The following DIS3L2 variants were observed in gnomAD, a reference collection of about 807,000 sequenced individuals.
DIS3L2 encodes DIS3 like 3'-5' exoribonuclease 2, also known as DIS3-like exonuclease 2.
A neutral mutation model predicts 97.5 loss-of-function variants in DIS3L2; 34 were observed. The ratio of observed to expected loss-of-function variants is 0.35; its 90% CI spans 0.27 to 0.46. The LOEUF is 0.46. Ranked by LOEUF, DIS3L2 falls within the 20% of genes least tolerant of loss-of-function variation. The pLI, the probability that DIS3L2 is intolerant of heterozygous loss-of-function variation, is 1.00. For missense variants in DIS3L2, 1,038 were observed against 1,146.0 expected (o/e 0.91, Z 1.36); for synonymous variants, 435 against 445.2 (o/e 0.98, Z 0.29).
intron 5 of DIS3L2, among the ~76,000 whole-genome samples, chr2:232,055,015 C>T (rs1695506461): frequency 6.6e-6 from 1 of 152,134 alleles, no homozygotes; most frequent in Admixed American, 6.5e-5. Flanking sequence ...TCTATGGTTA[C>T]TCTAGTTTCT....
chr2:232,146,216 C>T (rs1690213925), intron 8 of DIS3L2, among the ~76,000 whole-genome samples: 1 of 152,094 alleles, frequency 6.6e-6, no homozygotes, highest in African/African-American at 2.4e-5. Flanking sequence ...AGTTCCATGT[C>T]AGTGTGTAGT....
At chr2:232,334,592 G>A in intron 18 of DIS3L2, 39 bp from the exon 19 acceptor site, 5 of 1,599,842 alleles carry the variant, frequency 3.1e-6, no homozygotes, top group South Asian at 1.1e-5. Flanking sequence ...GCCCAGGGCA[G>A]TGCCAGGAGG....
chr2:232,075,729 C>T (rs1416991088), intron 5 of DIS3L2, among the ~76,000 whole-genome samples: 3 of 152,144 alleles, frequency 2.0e-5, no homozygotes, highest in Admixed American at 6.5e-5. Context: ...AGTTCAGGAC[C>T]TTGCAATTAT....
At chr2:232,246,621 T>C (rs1693256112) in intron 11 of DIS3L2, among the ~76,000 whole-genome samples, 1 of 152,186 alleles carries the variant, frequency 6.6e-6, no homozygotes, top group Admixed American at 6.5e-5. Flanking sequence ...GGCCCAGGAT[T>C]AGCCCCCAAG....
intron 9 of DIS3L2, among the ~76,000 whole-genome samples, chr2:232,170,692 A>C (rs2106171328): frequency 6.6e-6 from 1 of 152,318 alleles, no homozygotes; most frequent in Non-Finnish European, 1.5e-5. Flanking sequence ...TTAAGAAGAA[A>C]TATGAAGCTG....
intron 14 of DIS3L2, among the ~76,000 whole-genome samples, chr2:232,314,996 A>G (rs1695230569): frequency 6.6e-6 from 1 of 152,172 alleles, no homozygotes; most frequent in South Asian, 2.1e-4. Context: ...CTCCAACCAC[A>G]GGTTTGCATC....
chr2:232,238,760 C>A, intron 11 of DIS3L2, 115 bp downstream of exon 11: 1 of 910,780 alleles, frequency 1.1e-6, no homozygotes, highest in Non-Finnish European at 1.7e-6. Flanking sequence ...CAAAGGAAGA[C>A]ACAGGTGTTC....
intron 11 of DIS3L2, among the ~76,000 whole-genome samples, chr2:232,240,023 C>T (rs1017703626): frequency 2.6e-5 from 4 of 152,346 alleles, no homozygotes; most frequent in African/African-American, 4.8e-5. Context: ...ATGTCTTCCA[C>T]CCCATGGTGG....
rs1451942425 is a variant in DIS3L2 at position 232,136,463 on chromosome 2, T to C, written c.703-9T>C. 36 of 1,613,598 alleles carry C rather than the reference T, an allele frequency of 2.2e-5. No homozygotes were observed. The highest frequency in any genetic ancestry group is 3.1e-5 in the Non-Finnish European group (36 of 1,179,626). Reference sequence around the variant, plus strand: ...TAAACAACATTGACTATATCTTTGGTGTTTTTAGGTGGTTTACATCTTGGA... The same window carrying C: ...TAAACAACATTGACTATATCTTTGGCGTTTTTAGGTGGTTTACATCTTGGA... On this transcript the variant is annotated splice_polypyrimidine_tract_variant and intron_variant, in intron 7 of 20. Transcript: ENST00000325385.
Position 232,129,390 on chromosome 2 carries a change from A to C in DIS3L2, c.602-1229A>C, listed in dbSNP as rs74529475. 3.2e-3 allele frequency among the ~76,000 whole-genome samples: 483 copies of C among 152,340 alleles called. 3 individuals are homozygous for C. The highest frequency in any genetic ancestry group is 0.011 in the African/African-American group (467 of 41,582). On this transcript the variant is annotated intron_variant, in intron 6 of 20. Transcript: ENST00000325385. ...TTTTTTTCTCTCTACAATTATAAAA[A>C]ATGTTCTAAAAGCATTTGATGATTT... is the stretch of plus-strand genomic sequence containing the variant.
intron 5 of DIS3L2, among the ~76,000 whole-genome samples, chr2:232,058,817 A>T (rs574031428): frequency 6.6e-6 from 1 of 152,320 alleles, no homozygotes; most frequent in South Asian, 2.1e-4. Flanking sequence ...GTTTCTACTG[A>T]TTGAAATCCT....
At chr2:232,104,873 A>G (rs987944599) in intron 6 of DIS3L2, among the ~76,000 whole-genome samples, 8 of 152,164 alleles carry the variant, frequency 5.3e-5, no homozygotes. Context: ...GCTGGAGTGC[A>G]GTGGTGTGAT....
At chr2:231,989,170 C>G (rs1693510324) in intron 1 of DIS3L2, among the ~76,000 whole-genome samples, 1 of 152,138 alleles carries the variant, frequency 6.6e-6, no homozygotes, top group Non-Finnish European at 1.5e-5. Context: ...TTCTGTATCA[C>G]AGCATGAAAT....
intron 15 of DIS3L2, 106 bp downstream of exon 15, chr2:232,330,102 C>A: frequency 7.3e-7 from 1 of 1,366,454 alleles, no homozygotes; most frequent in Non-Finnish European, 9.8e-7. Flanking sequence ...AGAGTCCCTC[C>A]CCTTCAGCCA....
At position 232,098,175 on chromosome 2, in the gene DIS3L2, A is replaced by G. The variant is rs1482219210; in HGVS notation, c.601+10454A>G. 3.3e-5 allele frequency among the ~76,000 whole-genome samples: 5 copies of G among 152,150 alleles called. No homozygotes were observed. The East Asian group carries it at 7.7e-4, about 23-fold the overall frequency. ...TATGCTAGACCAGACATTCCTCCCT[A>G]TGAAGTTTACAAAAGAAATATACAC... On this transcript the variant is annotated intron_variant, in intron 6 of 20. Coordinates refer to ENST00000325385, the MANE Select transcript of DIS3L2 (RefSeq NM_152383.5).
intron 3 of DIS3L2, among the ~76,000 whole-genome samples, chr2:232,018,685 T>C (rs1694422818): frequency 6.6e-6 from 1 of 152,106 alleles, no homozygotes; most frequent in South Asian, 2.1e-4. Flanking sequence ...AAGAAACTTT[T>C]ATCGAGAGAT....
Position 232,034,702 on chromosome 2 carries a change from T to C in DIS3L2, c.366+4622T>C, listed in dbSNP as rs369603245. Among the ~76,000 whole-genome samples, 55 of 152,352 alleles carry C rather than the reference T, an allele frequency of 3.6e-4. 2 individuals are homozygous for C. In the East Asian group the frequency reaches 0.011, roughly 29 times the overall value. On this transcript the variant is annotated intron_variant, in intron 5 of 20. Coordinates refer to ENST00000325385, the MANE Select transcript of DIS3L2 (RefSeq NM_152383.5). ...TCATTGGTTTCAAAGAACTTATTTA[T>C]TTCTGCCTTAATTTCATTATTTACC...
In DIS3L2 at chr2:232,014,799, A is replaced by G. The variant is rs922103500; in HGVS notation, c.-93-36A>G. The G allele has an allele frequency of 5.2e-6, 5 of 959,356 alleles. No individual in the cohort carries two copies. The Admixed American group carries it at 1.3e-4, about 26-fold the overall frequency. The allele number at this position is 959,356 out of a possible 1,614,324, so 59.4% of individuals were successfully genotyped here. Reference sequence around the variant, plus strand: ...AGAGGACAGAGGAGGCTACAGCTTAACCGCTCTCCAATTACCAATCTCTTC... The same window carrying G: ...AGAGGACAGAGGAGGCTACAGCTTAGCCGCTCTCCAATTACCAATCTCTTC... On this transcript the variant is annotated intron_variant, in intron 1 of 20. Transcript: ENST00000325385.
At chr2:232,193,632 T>C (rs897631285) in intron 9 of DIS3L2, among the ~76,000 whole-genome samples, 1 of 152,242 alleles carries the variant, frequency 6.6e-6, no homozygotes, top group Admixed American at 6.5e-5. Flanking sequence ...CCATTTCATC[T>C]ATCATTGGGT....
Sources: gnomAD v4.1 joint callset for allele counts (sites outside exome capture counted in the v4.1 genomes callset) on GRCh38, gnomAD v4.1.1 for gene constraint, MANE v1.5 for transcripts, NCBI Gene and HGNC (gene_info 2026-07-23, HGNC 2026-07-21) for gene names.